Variants in STAC observed in about 807,000 individuals in gnomAD.
STAC encodes the protein SH3 and cysteine-rich domain-containing protein.
A neutral mutation model predicts 48.8 loss-of-function variants in STAC; 43 were observed. The observed-to-expected ratio is 0.88, with a 90% CI of 0.69 to 1.14. STAC has a LOEUF of 1.14. STAC is among the 50% of genes most tolerant of loss of function. STAC has a pLI of 0.00. For synonymous variants in STAC, 193 were observed against 179.5 expected, an observed-to-expected ratio of 1.07 and a Z score of -0.60; for missense variants, 497 against 504.0, an observed-to-expected ratio of 0.99 and a Z score of 0.13.
chr3:36,387,459 T>C (rs1220535108), intron 1 of STAC, among the ~76,000 whole-genome samples: 9 of 152,068 alleles, frequency 5.9e-5, no homozygotes, highest in Admixed American at 4.6e-4. Context: ...TGTAACTCTG[T>C]ACCCATTCAA....
intron 2 of STAC, among the ~76,000 whole-genome samples, chr3:36,451,594 C>T (rs1214058385): frequency 6.6e-6 from 1 of 152,056 alleles, no homozygotes; most frequent in African/African-American, 2.4e-5. Context: ...TATAACTTCC[C>T]AATTCTTTTT....
At position 36,493,146 on chromosome 3, in the gene STAC, C is replaced by G. The variant is rs1698037236; in HGVS notation, c.688-5C>G. On this transcript the variant is annotated splice_polypyrimidine_tract_variant and splice_region_variant and intron_variant, in intron 5 of 10. Transcript: ENST00000273183. ...CATCCCATGCTCTTTCTTCTTTCCT[C>G]CAAGACTTCAGATCTTGTGGAGGTT... 6.2e-7 allele frequency: 1 copy of G among 1,612,580 alleles called. No homozygotes were observed. Among genetic ancestry groups the G allele is most frequent in the Admixed American group, 1.7e-5 (1 of 59,940 alleles).
At chr3:36,523,917 A>G (rs1391131175) in intron 8 of STAC, among the ~76,000 whole-genome samples, 5 of 152,232 alleles carry the variant, frequency 3.3e-5, no homozygotes, top group African/African-American at 9.6e-5. Context: ...GAAAGGGTTC[A>G]GAAGAAAACT....
chr3:36,533,791 G>T (rs145321769), intron 10 of STAC, among the ~76,000 whole-genome samples: 1 of 152,016 alleles, frequency 6.6e-6, no homozygotes, highest in South Asian at 2.1e-4. Context: ...AGCTAGACAC[G>T]TTCAAGATGC....
chr3:36,409,225 A>C (rs1700143236), intron 1 of STAC, among the ~76,000 whole-genome samples: 1 of 152,164 alleles, frequency 6.6e-6, no homozygotes, highest in East Asian at 1.9e-4. Flanking sequence ...ACACAGAGTA[A>C]GTGTGCCAGT....
At chr3:36,447,649 CCACA>C (rs3061960) in intron 2 of STAC, among the ~76,000 whole-genome samples, 6,590 of 146,258 alleles carry the variant, frequency 0.045, 428 homozygotes, top group African/African-American at 0.14. Context: ...TGTATACACA[CCACA>C]CACACACACA....
chr3:36,504,585 A>C, intron 7 of STAC, 128 bp downstream of exon 7: 1 of 724,156 alleles, frequency 1.4e-6, no homozygotes, highest in Non-Finnish European at 2.4e-6. Context: ...ATAGAATAAT[A>C]TAGCACAACG....
At chr3:36,456,043 T>C (rs1306606795) in intron 2 of STAC, among the ~76,000 whole-genome samples, 1 of 137,026 alleles carries the variant, frequency 7.3e-6, no homozygotes, top group African/African-American at 2.8e-5. Context: ...TGTACATGTA[T>C]GTGCATCACA....
In STAC at chr3:36,443,562, G is replaced by C; in HGVS notation, c.310G>C (p.Gly104Arg). Residue 104 changes from glycine to arginine, a missense_variant, in exon 2 of 11, where the codon GGT (glycine) becomes CGT (arginine). Coordinates refer to ENST00000273183, the MANE Select transcript of STAC (RefSeq NM_003149.3). This position sits in a 1 kb window ranked among gnomAD's most constrained non-coding sequence, Gnocchi z 4.2. ...ACCCGCCAGGGCTGGTCTGCATCCA[G>C]GTGGCAAGGCTCATGCCTTTCAGGA... Reference protein sequence around the residue: ...STPARAGLHPGGKAHAFQEYI... With the variant: ...STPARAGLHPRGKAHAFQEYI... The C allele has an allele frequency of 6.2e-7, 1 of 1,614,190 alleles. No individual in the cohort carries two copies. Among genetic ancestry groups the C allele is most frequent in the Non-Finnish European group, 8.5e-7 (1 of 1,180,044 alleles).
intron 1 of STAC, among the ~76,000 whole-genome samples, chr3:36,412,458 G>A (rs926861535): frequency 1.3e-5 from 2 of 152,014 alleles, no homozygotes; most frequent in Non-Finnish European, 2.9e-5. Flanking sequence ...GGAAAGAGAA[G>A]TAGGAATTGG....
chr3:36,521,145 C>A (rs746410193), intron 8 of STAC, among the ~76,000 whole-genome samples: 4 of 151,804 alleles, frequency 2.6e-5, no homozygotes, highest in Non-Finnish European at 4.4e-5. Context: ...TCAAGGGTAT[C>A]TATTTTTGCT....
chr3:36,504,536 G>A, intron 7 of STAC, 79 bp downstream of exon 7: 1 of 1,254,936 alleles, frequency 8.0e-7, no homozygotes, highest in East Asian at 2.3e-5. Context: ...AGTGGGTCAT[G>A]AAATCAATTT....
chr3:36,465,771 G>T (rs1249030587), intron 2 of STAC, among the ~76,000 whole-genome samples: 1 of 152,100 alleles, frequency 6.6e-6, no homozygotes, highest in East Asian at 1.9e-4. Flanking sequence ...CATCCAGCAT[G>T]GGAGAAAGAG....
At chr3:36,437,967 T>TTATTATTC (rs1237135961) in intron 1 of STAC, among the ~76,000 whole-genome samples, 15 of 95,074 alleles carry the variant, frequency 1.6e-4, no homozygotes, top group African/African-American at 5.2e-4. Flanking sequence ...TATTATTATT[T>TTATTATTC]AGATGAGTTT....
chr3:36,397,194 C>CT (rs1699873224), intron 1 of STAC, among the ~76,000 whole-genome samples: 1 of 152,010 alleles, frequency 6.6e-6, no homozygotes, highest in South Asian at 2.1e-4. Flanking sequence ...TCCTATAAGT[C>CT]TTTTTGTCAG....
chr3:36,382,268 A>G (rs1258946359), intron 1 of STAC, among the ~76,000 whole-genome samples: 1 of 152,230 alleles, frequency 6.6e-6, no homozygotes, highest in East Asian at 1.9e-4. Flanking sequence ...ACTCAAGAGT[A>G]AAACTAGTAT....
intron 6 of STAC, among the ~76,000 whole-genome samples, chr3:36,499,750 A>T (rs906100012): frequency 6.6e-6 from 1 of 151,832 alleles, no homozygotes; most frequent in South Asian, 2.1e-4. Context: ...TAGAAAATTT[A>T]AAAAAACAAA....
chr3:36,407,114 A>G (rs1700100835), intron 1 of STAC, among the ~76,000 whole-genome samples: 2 of 152,232 alleles, frequency 1.3e-5, no homozygotes, highest in African/African-American at 2.4e-5. Flanking sequence ...TACCTGGCAC[A>G]TACTATATGT....
At chr3:36,402,726 T>C (rs964817485) in intron 1 of STAC, among the ~76,000 whole-genome samples, 6 of 152,122 alleles carry the variant, frequency 3.9e-5, no homozygotes, top group African/African-American at 1.4e-4. Flanking sequence ...AATGAAAACA[T>C]TCAAATTCCA....
Sources: gnomAD v4.1 joint callset for allele counts (sites outside exome capture counted in the v4.1 genomes callset) on GRCh38, gnomAD v4.1.1 for gene constraint, Gnocchi (gnomAD v3.1) non-coding constraint, MANE v1.5 for transcripts, NCBI Gene and HGNC (gene_info 2026-07-23, HGNC 2026-07-21) for gene names.